UBASH3B: variants seen among roughly 807,000 people sequenced by gnomAD.
UBASH3B encodes ubiquitin-associated and SH3 domain-containing protein B.
Under a neutral mutation model 83.4 loss-of-function variants are expected in UBASH3B, and 37 were observed. The observed-to-expected ratio is 0.44, with a 90% CI of 0.34 to 0.58. The LOEUF is 0.58. Among genes scored for constraint, UBASH3B ranks in the 20% least tolerant of loss-of-function variants. UBASH3B has a pLI of 0.01. For synonymous variants in UBASH3B, 304 were observed against 318.3 expected, an observed-to-expected ratio of 0.96 and a Z score of 0.48; for missense variants, 657 against 827.2, an observed-to-expected ratio of 0.79 and a Z score of 2.52.
chr11:122,671,627 C>T (rs73014247), intron 1 of UBASH3B, among the ~76,000 whole-genome samples: 15,012 of 152,296 alleles, frequency 0.099, 833 homozygotes, highest in Non-Finnish European at 0.12. Flanking sequence ...CTTTATCCAT[C>T]AGGCCTTGGC....
rs192442728 is a variant in UBASH3B at position 122,692,721 on chromosome 11, G to A, written c.161+36511G>A. On this transcript the variant is annotated intron_variant, in intron 1 of 13. Transcript: ENST00000284273. ...CGGAGAATATGGGGAAATAGCCAGA[G>A]ATGCTTTCATTCCACACATATCTAT... 9.2e-5 allele frequency among the ~76,000 whole-genome samples: 14 copies of A among 152,364 alleles called. No homozygotes were observed. In the South Asian group the frequency reaches 1.2e-3, roughly 14 times the overall value.
At position 122,717,148 on chromosome 11, in the gene UBASH3B, CA is replaced by C. The variant is rs1157701446; in HGVS notation, c.162-59070del. Among the ~76,000 whole-genome samples the C allele has an allele frequency of 2.0e-5, 3 of 152,290 alleles. No individual in the cohort carries two copies. The East Asian group carries it at 5.8e-4, about 29-fold the overall frequency. On this transcript the variant is annotated intron_variant, in intron 1 of 13. Coordinates refer to ENST00000284273, the MANE Select transcript of UBASH3B (RefSeq NM_032873.5). Reference sequence around the variant, plus strand: ...ACAGAGATCCCTGTCCTCTCGCCCCCAGAAAAGTCCTCAAGTTTTGCCAGAC... The same window carrying C: ...ACAGAGATCCCTGTCCTCTCGCCCCCGAAAAGTCCTCAAGTTTTGCCAGAC...
At chr11:122,686,892 G>C (rs1015955224) in intron 1 of UBASH3B, among the ~76,000 whole-genome samples, 1 of 151,216 alleles carries the variant, frequency 6.6e-6, no homozygotes, top group African/African-American at 2.4e-5. Context: ...TTTTGAGACA[G>C]GGTCTAGCTC....
At chr11:122,794,451 C>T (rs1254313602) in intron 6 of UBASH3B, among the ~76,000 whole-genome samples, 1 of 152,172 alleles carries the variant, frequency 6.6e-6, no homozygotes, top group Non-Finnish European at 1.5e-5. Flanking sequence ...AGGTGATCCG[C>T]CTGCCTCGGC....
chr11:122,741,068 G>T (rs906172333), intron 1 of UBASH3B, among the ~76,000 whole-genome samples: 6 of 152,148 alleles, frequency 3.9e-5, no homozygotes, highest in Admixed American at 3.9e-4. Flanking sequence ...TTACGTAAAA[G>T]TATTTCCAGG....
intron 1 of UBASH3B, among the ~76,000 whole-genome samples, chr11:122,743,098 G>A (rs1861053536): frequency 6.6e-6 from 1 of 152,174 alleles, no homozygotes; most frequent in African/African-American, 2.4e-5. Context: ...TTTTTGCTGT[G>A]GCCGTTCTGA....
intron 1 of UBASH3B, among the ~76,000 whole-genome samples, chr11:122,698,628 G>C (rs1195627137): frequency 6.6e-6 from 1 of 152,136 alleles, no homozygotes; most frequent in East Asian, 1.9e-4. Flanking sequence ...GGAGCATCCT[G>C]GGTGCCGTGT....
At position 122,691,196 on chromosome 11, in the gene UBASH3B, T is replaced by G. The variant is rs545873149; in HGVS notation, c.161+34986T>G. On this transcript the variant is annotated intron_variant, in intron 1 of 13. Transcript: ENST00000284273. ...AACGAAACCACATGGCTGTGTGTTC[T>G]GCTCTGTGCCTTTGCCGGGCCTTTC... Among the ~76,000 whole-genome samples the G allele has an allele frequency of 2.5e-3, 376 of 152,358 alleles. 4 individuals are homozygous for G. The highest frequency in any genetic ancestry group is 0.017 in the Middle Eastern group (5 of 294).
At chr11:122,798,849 C>T (rs1056073654) in intron 9 of UBASH3B, 93 bp from the exon 10 acceptor site, 1 of 928,524 alleles carries the variant, frequency 1.1e-6, no homozygotes, top group African/African-American at 1.6e-5. Context: ...GAGGGGTTTA[C>T]AGGAGCTTAC....
intron 11 of UBASH3B, among the ~76,000 whole-genome samples, 165 bp downstream of exon 11, chr11:122,801,497 C>A (rs1252565230): frequency 6.6e-6 from 1 of 152,198 alleles, no homozygotes. Flanking sequence ...TGGAGAAAAG[C>A]CAGCATTTTT....
At chr11:122,746,903 C>A (rs998044796) in intron 1 of UBASH3B, among the ~76,000 whole-genome samples, 1 of 152,138 alleles carries the variant, frequency 6.6e-6, no homozygotes, top group Admixed American at 6.5e-5. Context: ...AAGGATTTCG[C>A]TGAATGGTGA....
chr11:122,789,007 T>G (rs1160338659), intron 5 of UBASH3B, 93 bp from the exon 6 acceptor site: 26 of 1,177,944 alleles, frequency 2.2e-5, no homozygotes, highest in Non-Finnish European at 3.0e-5. Context: ...TCTGGAGGTG[T>G]GCAGTATTAA....
intron 6 of UBASH3B, among the ~76,000 whole-genome samples, chr11:122,790,338 C>T (rs1422376566): frequency 6.6e-6 from 1 of 152,114 alleles, no homozygotes; most frequent in South Asian, 2.1e-4. Context: ...AGCAATCCCT[C>T]CCCCTCTCCC....
intron 10 of UBASH3B, among the ~76,000 whole-genome samples, chr11:122,800,702 G>A (rs1861242364): frequency 6.6e-6 from 1 of 152,038 alleles, no homozygotes; most frequent in Admixed American, 6.5e-5. Context: ...TTCGCCTCCT[G>A]GGTTCAAGTG....
intron 3 of UBASH3B, 192 bp from the exon 4 acceptor site, chr11:122,779,305 C>A (rs1860805099): frequency 3.1e-6 from 2 of 641,674 alleles, no homozygotes; most frequent in Non-Finnish European, 5.4e-6. Flanking sequence ...CCACATTAAT[C>A]CACCAGTTGG....
chr11:122,733,644 G>C (rs1860882368), intron 1 of UBASH3B, among the ~76,000 whole-genome samples: 1 of 152,174 alleles, frequency 6.6e-6, no homozygotes, highest in Non-Finnish European at 1.5e-5. Flanking sequence ...CACATGTGTT[G>C]AGTAGCCCTG....
chr11:122,718,574 T>C (rs939415739), intron 1 of UBASH3B, among the ~76,000 whole-genome samples: 1 of 152,210 alleles, frequency 6.6e-6, no homozygotes, highest in African/African-American at 2.4e-5. Context: ...GAGGATTAAG[T>C]ATGATGACAT....
At chr11:122,723,532 G>A (rs561865510) in intron 1 of UBASH3B, among the ~76,000 whole-genome samples, 3 of 152,262 alleles carry the variant, frequency 2.0e-5, no homozygotes, top group South Asian at 2.1e-4. Context: ...TCTTCCCTGC[G>A]AGCAGCAATA....
At chr11:122,675,461 T>C (rs920286245) in intron 1 of UBASH3B, among the ~76,000 whole-genome samples, 2 of 152,204 alleles carry the variant, frequency 1.3e-5, no homozygotes, top group African/African-American at 4.8e-5. Context: ...GAGGAATTGA[T>C]ATGTCACTGG....
Sources: allele counts gnomAD v4.1 joint callset (sites outside exome capture counted in the v4.1 genomes callset), GRCh38; gene constraint gnomAD v4.1.1; transcripts MANE v1.5; gene names NCBI Gene and HGNC (gene_info 2026-07-23, HGNC 2026-07-21).